The following THSD7A variants were observed in gnomAD, a reference collection of about 807,000 sequenced individuals.
The protein encoded by THSD7A is thrombospondin type 1 domain containing 7A.
Under a neutral mutation model 231.3 loss-of-function variants are expected in THSD7A, and 96 were observed. The observed-to-expected ratio is 0.41, with a 90% CI of 0.35 to 0.49. The LOEUF is 0.49. Among genes scored for constraint, THSD7A ranks in the 20% least tolerant of loss-of-function variants. The pLI, the probability that THSD7A is intolerant of heterozygous loss-of-function variation, is 0.05. For synonymous variants in THSD7A, 940 were observed against 743.3 expected, an observed-to-expected ratio of 1.26 and a Z score of -4.30; for missense variants, 2,290 against 2,070.2, an observed-to-expected ratio of 1.11 and a Z score of -2.06.
At chr7:11,781,243 T>A (rs114545292) in intron 1 of THSD7A, among the ~76,000 whole-genome samples, 1,596 of 150,542 alleles carry the variant, frequency 0.011, 30 homozygotes, top group African/African-American at 0.037. Context: ...ACAAGCCGGG[T>A]GTTCAAGACC....
chr7:11,792,881 T>C (rs1169894960), intron 1 of THSD7A, among the ~76,000 whole-genome samples: 4 of 151,986 alleles, frequency 2.6e-5, no homozygotes, highest in African/African-American at 9.7e-5. Context: ...AAGTTATGTG[T>C]CAGTAAAATT....
At chr7:11,410,325 T>A (rs1783738825) in intron 19 of THSD7A, 1 of 152,176 alleles carries the variant, frequency 6.6e-6, no homozygotes, top group Non-Finnish European at 1.5e-5. Flanking sequence ...AGTTTTCCCC[T>A]AGGTATAGGA....
rs1220514565 is a variant in THSD7A at position 11,807,937 on chromosome 7, C to G, written c.190+23820G>C. On this transcript the variant is annotated intron_variant, in intron 1 of 27. Transcript: ENST00000423059. The stretch of plus-strand genomic sequence containing the variant: ...AAGTAATACCAAAATAAATGACACC[C>G]AACAAACAAAACACTGTCAGAGCAA... 3.9e-5 allele frequency among the ~76,000 whole-genome samples: 6 copies of G among 152,010 alleles called. No individual in the cohort carries two copies. The East Asian group carries it at 1.2e-3, about 29-fold the overall frequency.
intron 23 of THSD7A, among the ~76,000 whole-genome samples, chr7:11,389,260 T>G (rs1279348634): frequency 6.6e-6 from 1 of 152,002 alleles, no homozygotes; most frequent in Non-Finnish European, 1.5e-5. Flanking sequence ...AGAACTTGCT[T>G]TATGAATCCG....
intron 6 of THSD7A, among the ~76,000 whole-genome samples, chr7:11,513,356 A>ATTAAAT (rs570086943): frequency 2.0e-5 from 3 of 151,262 alleles, no homozygotes; most frequent in South Asian, 4.2e-4. Flanking sequence ...CTTTTCAAGA[A>ATTAAAT]TAAAAAAAAC....
At position 11,406,244 on chromosome 7, in the gene THSD7A, G is replaced by T. The variant is rs773795671; in HGVS notation, c.4237+56C>A. ...TATACTTTATATGCAACCCCTTCACGGCCCTTGTCCTAGGAAAAAATAATC... is the reference window on the plus strand; with the variant it reads ...TATACTTTATATGCAACCCCTTCACTGCCCTTGTCCTAGGAAAAAATAATC... On this transcript the variant is annotated intron_variant, in intron 22 of 27. Transcript: ENST00000423059. The surrounding 1 kb of genome is among the most constrained non-coding windows in gnomAD (Gnocchi z 4.7). The T allele has an allele frequency of 6.6e-7, 1 of 1,521,082 alleles. No individual in the cohort carries two copies. The highest frequency in any genetic ancestry group is 8.9e-7 in the Non-Finnish European group (1 of 1,128,578). The allele number at this position is 1,521,082 out of a possible 1,614,324, so 94.2% of individuals were successfully genotyped here. A position where few individuals can be genotyped will look rare whatever the true frequency, so the allele number is the denominator to read the frequency against.
rs552739391 is a variant in THSD7A at position 11,528,064 on chromosome 7, G to A, written c.1822+13355C>T. On this transcript the variant is annotated intron_variant, in intron 6 of 27. Coordinates refer to ENST00000423059, the MANE Select transcript of THSD7A (RefSeq NM_015204.3). ...CACCTGTTGTCCCAGCTACTTGGAAGGCTGAGGCAGGAGGATCATTTGAGC... is the reference window on the plus strand; with the variant it reads ...CACCTGTTGTCCCAGCTACTTGGAAAGCTGAGGCAGGAGGATCATTTGAGC... Among the ~76,000 whole-genome samples, 3 of 152,252 alleles carry A rather than the reference G, an allele frequency of 2.0e-5. No homozygotes were observed. In the South Asian group the frequency reaches 6.2e-4, roughly 32 times the overall value.
chr7:11,748,474 T>A (rs1782387028), intron 1 of THSD7A, among the ~76,000 whole-genome samples: 2 of 152,010 alleles, frequency 1.3e-5, no homozygotes, highest in Admixed American at 1.3e-4. Context: ...GTCACAAAAA[T>A]TGTTAGTATT....
intron 1 of THSD7A, among the ~76,000 whole-genome samples, chr7:11,815,252 A>AT (rs925988664): frequency 9.9e-5 from 15 of 151,408 alleles, no homozygotes; most frequent in Admixed American, 7.9e-4. Flanking sequence ...CCTTTATGAG[A>AT]TTTTTTTGTT....
chr7:11,635,811 A>G (rs984996159), intron 2 of THSD7A, among the ~76,000 whole-genome samples: 2 of 152,180 alleles, frequency 1.3e-5, no homozygotes, highest in Non-Finnish European at 2.9e-5. Context: ...TCAGCCCCTA[A>G]GCAATTTTTT....
chr7:11,759,576 A>G (rs546709279), intron 1 of THSD7A, among the ~76,000 whole-genome samples: 7 of 152,112 alleles, frequency 4.6e-5, no homozygotes, highest in Non-Finnish European at 7.4e-5. Context: ...TAAATTTTTC[A>G]GAATTCATGA....
chr7:11,541,372 T>C, intron 6 of THSD7A, 47 bp downstream of exon 6: 1 of 1,563,078 alleles, frequency 6.4e-7, no homozygotes, highest in African/African-American at 1.4e-5. Flanking sequence ...AAAACATATA[T>C]GCAGGGTTGG....
At chr7:11,711,588 A>G (rs1584247062) in intron 1 of THSD7A, among the ~76,000 whole-genome samples, 1 of 151,282 alleles carries the variant, frequency 6.6e-6, no homozygotes, top group East Asian at 2.0e-4. Flanking sequence ...TATAGGGATT[A>G]CATGAGATGA....
intron 26 of THSD7A, chr7:11,376,958 C>T (rs895938607): frequency 4.2e-6 from 1 of 238,896 alleles, no homozygotes; most frequent in African/African-American, 2.2e-5. Context: ...AAACTCAATA[C>T]ATGTGTAATG....
chr7:11,553,622 C>G (rs987969317), intron 4 of THSD7A, among the ~76,000 whole-genome samples: 1 of 151,874 alleles, frequency 6.6e-6, no homozygotes, highest in African/African-American at 2.4e-5. Context: ...TTTGATTTCT[C>G]AGAATAATGG....
chr7:11,719,114 A>G (rs1422858784), intron 1 of THSD7A, among the ~76,000 whole-genome samples: 1 of 151,480 alleles, frequency 6.6e-6, no homozygotes, highest in African/African-American at 2.4e-5. Context: ...CAAGTGTCTC[A>G]TTTTTCATCC....
intron 1 of THSD7A, among the ~76,000 whole-genome samples, chr7:11,731,452 G>C (rs1360119941): frequency 2.0e-5 from 3 of 151,542 alleles, no homozygotes; most frequent in Non-Finnish European, 4.4e-5. Context: ...ATAAAATTAA[G>C]GGCTTTAACT....
rs772765653 is a variant in THSD7A, at chr7:11,636,611, G to C, written c.541C>G (p.Pro181Ala). 2.5e-6 allele frequency: 4 copies of C among 1,613,888 alleles called. No individual in the cohort carries two copies. The South Asian group carries it at 3.3e-5, about 13-fold the overall frequency. ...DIICEYFEPK[P>A]LLEQACLIPC... ...ATGAGGCAAGCCTGCTCCAGGAGAG[G>C]CTTGGGCTCAAAGTACTCACAGATG... Residue 181 changes from proline to alanine, a missense_variant, in exon 2 of 28, where the codon CCT becomes GCT. Coordinates refer to ENST00000423059, the MANE Select transcript of THSD7A (RefSeq NM_015204.3). This position sits in a 1 kb window ranked among gnomAD's most constrained non-coding sequence, Gnocchi z 10.0.
chr7:11,714,116 C>T (rs1010344092), intron 1 of THSD7A, among the ~76,000 whole-genome samples: 6 of 151,182 alleles, frequency 4.0e-5, no homozygotes, highest in Middle Eastern at 3.4e-3. Context: ...TGCAGGAAAA[C>T]GATGTTTTCA....
Sources: allele counts gnomAD v4.1 joint callset (sites outside exome capture counted in the v4.1 genomes callset), GRCh38; gene constraint gnomAD v4.1.1; non-coding constraint Gnocchi (gnomAD v3.1); transcripts MANE v1.5; gene names NCBI Gene and HGNC (gene_info 2026-07-23, HGNC 2026-07-21).